Variants in EDAR observed in about 807,000 individuals in gnomAD.
The protein encoded by EDAR is tumor necrosis factor receptor superfamily member EDAR.
A neutral mutation model predicts 51.3 loss-of-function variants in EDAR; 38 were observed. The ratio of observed to expected loss-of-function variants is 0.74; its 90% CI spans 0.57 to 0.97. EDAR has a LOEUF of 0.97. EDAR is among the 50% of genes least tolerant of loss of function. The probability of loss-of-function intolerance (pLI) is 0.00; values close to 1 mark genes in which losing one functional copy is unlikely to be tolerated. For synonymous variants in EDAR, 227 were observed against 242.1 expected, an observed-to-expected ratio of 0.94 and a Z score of 0.58; for missense variants, 528 against 595.0, an observed-to-expected ratio of 0.89 and a Z score of 1.17.
At chr2:108,948,717 G>A (rs1697764207) in intron 1 of EDAR, among the ~76,000 whole-genome samples, 1 of 152,146 alleles carries the variant, frequency 6.6e-6, no homozygotes, top group African/African-American at 2.4e-5. Flanking sequence ...GGGGAAAACT[G>A]CTCCCATGAT....
At chr2:108,938,170 A>C (rs1227589816) in intron 1 of EDAR, among the ~76,000 whole-genome samples, 1 of 152,214 alleles carries the variant, frequency 6.6e-6, no homozygotes, top group Non-Finnish European at 1.5e-5. Flanking sequence ...TTTTGGACAC[A>C]TCTGTTCACA....
At chr2:108,922,597 G>A (rs1439729374) in intron 5 of EDAR, among the ~76,000 whole-genome samples, 1 of 152,150 alleles carries the variant, frequency 6.6e-6, no homozygotes, top group East Asian at 1.9e-4. Flanking sequence ...ATTATTATGA[G>A]ACATGGGGGT....
chr2:108,912,311 G>A (rs993875480), intron 6 of EDAR, among the ~76,000 whole-genome samples: 3 of 152,212 alleles, frequency 2.0e-5, no homozygotes, highest in Non-Finnish European at 4.4e-5. Context: ...GCTATGGTCA[G>A]CATGTTTATA....
chr2:108,916,019 A>G (rs1304921209), intron 5 of EDAR, among the ~76,000 whole-genome samples: 2 of 152,200 alleles, frequency 1.3e-5, no homozygotes, highest in African/African-American at 4.8e-5. Flanking sequence ...ACCTTACTGA[A>G]GTTGCTCTGG....
At position 108,907,932 on chromosome 2, in the gene EDAR, G is replaced by A; in HGVS notation, c.891C>T (p.Ser297=). The A allele has an allele frequency of 3.7e-6, 6 of 1,613,630 alleles. No individual in the cohort carries two copies. The African/African-American group carries it at 4.0e-5, about 11-fold the overall frequency. Reference sequence around the variant, plus strand: ...CCAGCGACAGCAGGCACAGCTCCGGGGAGCCCTGCTTGTCAGGGGCGGGCT... The same window carrying A: ...CCAGCGACAGCAGGCACAGCTCCGGAGAGCCCTGCTTGTCAGGGGCGGGCT... The part of the protein sequence containing the change: ...DEEPAPDKQG[S]PELCLLSLVH... Residue 297 remains serine (S), a synonymous_variant, in exon 10 of 12, where the codon TCC becomes TCT. Transcript: ENST00000258443.
chr2:108,953,005 G>A (rs1218191996), intron 1 of EDAR, among the ~76,000 whole-genome samples: 2 of 152,190 alleles, frequency 1.3e-5, no homozygotes, highest in Admixed American at 1.3e-4. Flanking sequence ...TTTAATTTTT[G>A]TGTGTATGTA....
At chr2:108,943,593 C>T (rs752119670) in intron 1 of EDAR, among the ~76,000 whole-genome samples, 13 of 152,138 alleles carry the variant, frequency 8.5e-5, no homozygotes, top group East Asian at 7.7e-4. Flanking sequence ...GCAGTCACCA[C>T]GGGCTTGGGA....
At chr2:108,974,248 T>C (rs1002025286) in intron 1 of EDAR, among the ~76,000 whole-genome samples, 3 of 134,364 alleles carry the variant, frequency 2.2e-5, no homozygotes, top group African/African-American at 5.8e-5. Flanking sequence ...GAGAATGGCA[T>C]GAACCCGGGA....
At chr2:108,982,132 C>T (rs1427891825) in intron 1 of EDAR, among the ~76,000 whole-genome samples, 1 of 152,342 alleles carries the variant, frequency 6.6e-6, no homozygotes, top group East Asian at 1.9e-4. Flanking sequence ...AGAATAGGGG[C>T]CAGGTCTTTT....
intron 1 of EDAR, among the ~76,000 whole-genome samples, chr2:108,939,038 A>G (rs1355859535): frequency 1.3e-5 from 2 of 151,906 alleles, no homozygotes; most frequent in African/African-American, 4.8e-5. Flanking sequence ...TCAGCCTCCC[A>G]AAGTGCTGGG....
intron 1 of EDAR, among the ~76,000 whole-genome samples, chr2:108,932,390 A>G (rs915823870): frequency 7.3e-5 from 11 of 151,440 alleles, no homozygotes; most frequent in Admixed American, 6.6e-4. Flanking sequence ...TTACCCGGGC[A>G]TGGTGGTGGG....
chr2:108,973,476 G>C (rs1698270539), intron 1 of EDAR, among the ~76,000 whole-genome samples: 1 of 152,114 alleles, frequency 6.6e-6, no homozygotes, highest in Non-Finnish European at 1.5e-5. Flanking sequence ...GCTTTCCAGT[G>C]CTTTCCAGTA....
At chr2:108,938,853 C>T (rs189510025) in intron 1 of EDAR, among the ~76,000 whole-genome samples, 18 of 133,296 alleles carry the variant, frequency 1.4e-4, no homozygotes, top group Admixed American at 7.6e-4. Flanking sequence ...GATCTTGGCT[C>T]ACTGCAACCT....
At chr2:108,981,203 C>T (rs1012118557) in intron 1 of EDAR, among the ~76,000 whole-genome samples, 8 of 152,154 alleles carry the variant, frequency 5.3e-5, no homozygotes, top group Non-Finnish European at 1.0e-4. Flanking sequence ...TCTGACGTTC[C>T]ACCACCAGCA....
At chr2:108,967,443 C>A (rs1698166591) in intron 1 of EDAR, among the ~76,000 whole-genome samples, 1 of 152,136 alleles carries the variant, frequency 6.6e-6, no homozygotes, top group Admixed American at 6.5e-5. Context: ...GAAGGGGAAG[C>A]CTGCTGTTCT....
chr2:108,986,503 C>A (rs1293934925), intron 1 of EDAR, among the ~76,000 whole-genome samples: 1 of 152,138 alleles, frequency 6.6e-6, no homozygotes, highest in African/African-American at 2.4e-5. Flanking sequence ...CTAGTCTCAG[C>A]CCCTCCAATT....
chr2:108,971,249 C>T (rs1035897516), intron 1 of EDAR, among the ~76,000 whole-genome samples: 1 of 152,106 alleles, frequency 6.6e-6, no homozygotes, highest in African/African-American at 2.4e-5. Context: ...TATTTCTGCG[C>T]CTTTCTTCCA....
At chr2:108,922,170 C>T (rs1206590801) in intron 5 of EDAR, among the ~76,000 whole-genome samples, 1 of 152,252 alleles carries the variant, frequency 6.6e-6, no homozygotes, top group Non-Finnish European at 1.5e-5. Context: ...AGGAGGACTG[C>T]TCCTCTCCCA....
At position 108,907,805 on chromosome 2, in the gene EDAR, C is replaced by T. The variant is rs1696839513; in HGVS notation, c.963+55G>A. On this transcript the variant is annotated intron_variant, in intron 10 of 11. Coordinates refer to ENST00000258443, the MANE Select transcript of EDAR (RefSeq NM_022336.4). ...ATTCAATAAGAAAGTTTTAGTCTTG[C>T]GGCTGTGAGGGAGCCACATCTCACA... 9 of 1,602,432 alleles carry T rather than the reference C, an allele frequency of 5.6e-6. No homozygotes were observed. The Middle Eastern group carries it at 5.0e-4, about 88-fold the overall frequency.
Sources: gnomAD v4.1 joint callset for allele counts (sites outside exome capture counted in the v4.1 genomes callset) on GRCh38, gnomAD v4.1.1 for gene constraint, MANE v1.5 for transcripts, NCBI Gene and HGNC (gene_info 2026-07-23, HGNC 2026-07-21) for gene names.